SFRP1: variants seen among roughly 807,000 people sequenced by gnomAD.
SFRP1 encodes secreted frizzled-related protein 1.
A neutral mutation model predicts 25.9 loss-of-function variants in SFRP1; 9 were observed. The ratio of observed to expected loss-of-function variants is 0.35; its 90% CI spans 0.21 to 0.61. The LOEUF is 0.61. Among genes scored for constraint, SFRP1 ranks in the 20% least tolerant of loss-of-function variants. The probability of loss-of-function intolerance (pLI) is 0.78; values close to 1 mark genes in which losing one functional copy is unlikely to be tolerated. For synonymous variants in SFRP1, 178 were observed against 174.0 expected (o/e 1.02, Z -0.18); for missense variants, 346 against 418.2 (o/e 0.83, Z 1.51).
At chr8:41,283,680 C>A (rs1241724696) in intron 2 of SFRP1, among the ~76,000 whole-genome samples, 1 of 151,502 alleles carries the variant, frequency 6.6e-6, no homozygotes, top group Non-Finnish European at 1.5e-5. Flanking sequence ...CCTGCCTCAG[C>A]CTCCCGAGAG....
At chr8:41,307,571 C>G (rs1252425355) in intron 1 of SFRP1, among the ~76,000 whole-genome samples, 1 of 152,202 alleles carries the variant, frequency 6.6e-6, no homozygotes, top group Non-Finnish European at 1.5e-5. Flanking sequence ...CTAAGCGCAG[C>G]TGGGGTACAG....
At chr8:41,280,418 G>A (rs568102250) in intron 2 of SFRP1, among the ~76,000 whole-genome samples, 51 of 152,298 alleles carry the variant, frequency 3.3e-4, no homozygotes, top group African/African-American at 1.1e-3. Context: ...TCTGGAATTC[G>A]CACTCCCTGC....
chr8:41,266,134 C>T (rs1365959635), intron 2 of SFRP1, among the ~76,000 whole-genome samples: 1 of 151,902 alleles, frequency 6.6e-6, no homozygotes, highest in African/African-American at 2.4e-5. Context: ...CCACTGCACT[C>T]CAGCCTGAGC....
chr8:41,309,314 C>T lies in SFRP1; in HGVS notation c.-155G>A, dbSNP rs1282537112. 3 of 859,868 alleles carry T rather than the reference C, an allele frequency of 3.5e-6. No individual in the cohort carries two copies. The highest frequency in any genetic ancestry group is 8.0e-5 in the East Asian group (2 of 24,924). 53.3% of individuals were successfully genotyped at this position (859,868 alleles called of 1,614,324 possible). ...GCCGCAAGCTGCTGCCCGGTCCCCCCGGCCAGTGGCGGCCCTCGGCCTGCG... is the reference window on the plus strand; with the variant it reads ...GCCGCAAGCTGCTGCCCGGTCCCCCTGGCCAGTGGCGGCCCTCGGCCTGCG... On this transcript the variant is annotated 5_prime_UTR_variant, in exon 1 of 3. Transcript: ENST00000220772.
chr8:41,309,212 C>T lies in SFRP1; in HGVS notation c.-53G>A. ...CGTCGGGGCTGCCTCCGCCGCCTCC[C>T]CGCGCGCGTCCTGCCGCAAACTTCC... On this transcript the variant is annotated 5_prime_UTR_variant, in exon 1 of 3. Transcript: ENST00000220772. 1 of 1,266,958 alleles carries T rather than the reference C, an allele frequency of 7.9e-7. No individual in the cohort carries two copies. Among genetic ancestry groups the T allele is most frequent in the Non-Finnish European group, 9.9e-7 (1 of 1,013,136 alleles). 78.5% of individuals were successfully genotyped at this position (1,266,958 alleles called of 1,614,324 possible).
At chr8:41,286,945 A>C (rs1803713184) in intron 2 of SFRP1, among the ~76,000 whole-genome samples, 1 of 152,196 alleles carries the variant, frequency 6.6e-6, no homozygotes, top group South Asian at 2.1e-4. Flanking sequence ...AAGGGCTGAA[A>C]AAGAGTCCTG....
intron 2 of SFRP1, among the ~76,000 whole-genome samples, chr8:41,280,807 G>A (rs1465726185): frequency 1.3e-5 from 2 of 152,174 alleles, no homozygotes; most frequent in African/African-American, 2.4e-5. Flanking sequence ...AAGACTCAGG[G>A]CACACATAGA....
In SFRP1 at chr8:41,309,045, A is replaced by T. The variant is rs762832033; in HGVS notation, c.115T>A (p.Phe39Ile). The change falls in exon 1 of 3, where the codon TTC (phenylalanine) becomes ATC (isoleucine). Residue 39 changes from phenylalanine (F) to isoleucine (I), a missense_variant. Phe to Ile is a conservative substitution (Grantham distance 21). Transcript: ENST00000220772. ...TGGTACGGGCCGATGTCCGACTGGA[A>T]GCTCACGTAGTCGTACTCGCTGGCC... ...GSASEYDYVS[F>I]QSDIGPYQSG... is the part of the protein sequence containing the mutation. 6.2e-7 allele frequency: 1 copy of T among 1,606,526 alleles called. No individual in the cohort carries two copies. The highest frequency in any genetic ancestry group is 8.5e-7 in the Non-Finnish European group (1 of 1,179,792).
At chr8:41,267,946 C>T (rs1276115534) in intron 2 of SFRP1, among the ~76,000 whole-genome samples, 1 of 152,216 alleles carries the variant, frequency 6.6e-6, no homozygotes, top group Admixed American at 6.5e-5. Flanking sequence ...AATGACTTCA[C>T]TTATGAAATG....
At chr8:41,271,942 G>A (rs1803514874) in intron 2 of SFRP1, among the ~76,000 whole-genome samples, 1 of 152,144 alleles carries the variant, frequency 6.6e-6, no homozygotes, top group Non-Finnish European at 1.5e-5. Context: ...TCCAGCCTGG[G>A]TGACAGAGTG....
intron 2 of SFRP1, among the ~76,000 whole-genome samples, chr8:41,293,747 G>A (rs1180406506): frequency 6.6e-6 from 1 of 152,002 alleles, no homozygotes; most frequent in Admixed American, 6.5e-5. Context: ...ATTCTTGGGG[G>A]TTTTGTGGGG....
At position 41,298,357 on chromosome 8, in the gene SFRP1, T is replaced by G. The variant is rs993515731; in HGVS notation, c.622+5104A>C. On this transcript the variant is annotated intron_variant, in intron 2 of 2. Coordinates refer to ENST00000220772, the MANE Select transcript of SFRP1 (RefSeq NM_003012.5). The stretch of plus-strand genomic sequence containing the variant: ...TTTCAAATTAACTAGAAGACTAGAT[T>G]TGGAACATTTCCAACACAAAGATCA... 17 of 152,232 alleles carry G rather than the reference T, an allele frequency of 1.1e-4. 1 individual carries two copies. Among genetic ancestry groups the G allele is most frequent in the Non-Finnish European group, 4.4e-5 (3 of 68,036 alleles). The allele number at this position is 152,232 out of a possible 1,614,324, so 9.4% of individuals were successfully genotyped here.
chr8:41,292,409 A>T (rs987554017), intron 2 of SFRP1, among the ~76,000 whole-genome samples: 1 of 152,104 alleles, frequency 6.6e-6, no homozygotes, highest in African/African-American at 2.4e-5. Flanking sequence ...ATGGTTTTAT[A>T]AGGGGATCTT....
At chr8:41,303,300 G>C (rs1170694295) in intron 2 of SFRP1, among the ~76,000 whole-genome samples, 161 bp downstream of exon 2, 1 of 151,892 alleles carries the variant, frequency 6.6e-6, no homozygotes, top group Non-Finnish European at 1.5e-5. Flanking sequence ...TCTGGACCCT[G>C]TCTAGTCTCC....
At chr8:41,300,541 G>A (rs1803901855) in intron 2 of SFRP1, among the ~76,000 whole-genome samples, 1 of 152,184 alleles carries the variant, frequency 6.6e-6, no homozygotes. Context: ...AGATACTGCA[G>A]AAGAAGCTAG....
At chr8:41,305,211 G>C (rs1304628765) in intron 1 of SFRP1, among the ~76,000 whole-genome samples, 1 of 152,314 alleles carries the variant, frequency 6.6e-6, no homozygotes, top group South Asian at 2.1e-4. Context: ...ACATAGCAAC[G>C]TTCTGTGAAT....
chr8:41,287,300 A>G (rs538873797), intron 2 of SFRP1, among the ~76,000 whole-genome samples: 13 of 152,366 alleles, frequency 8.5e-5, no homozygotes, highest in African/African-American at 2.6e-4. Flanking sequence ...CCTGGGAATG[A>G]CAGGCGTGCC....
intron 2 of SFRP1, among the ~76,000 whole-genome samples, chr8:41,283,927 T>C (rs1034281716): frequency 6.6e-6 from 1 of 152,140 alleles, no homozygotes; most frequent in East Asian, 1.9e-4. Context: ...GATTAGAGCT[T>C]GTTACTTTGC....
chr8:41,274,453 T>G, intron 2 of SFRP1, among the ~76,000 whole-genome samples: 1 of 152,220 alleles, frequency 6.6e-6, no homozygotes, highest in Non-Finnish European at 1.5e-5. Flanking sequence ...ATGGCTCAGC[T>G]GCAAATAATA....
Sources: gnomAD v4.1 joint callset for allele counts (sites outside exome capture counted in the v4.1 genomes callset) on GRCh38, gnomAD v4.1.1 for gene constraint, MANE v1.5 for transcripts, NCBI Gene and HGNC (gene_info 2026-07-23, HGNC 2026-07-21) for gene names.